Variants in CCDC18 observed in about 807,000 individuals in gnomAD.
CCDC18 encodes coiled-coil domain-containing protein 18.
Under a neutral mutation model 196.0 loss-of-function variants are expected in CCDC18, and 157 were observed. The observed-to-expected ratio is 0.80, with a 90% CI of 0.70 to 0.91. CCDC18 has a LOEUF of 0.91. CCDC18 is among the 40% of genes least tolerant of loss of function. CCDC18 has a pLI of 0.00. For missense variants in CCDC18, 1,465 were observed against 1,611.6 expected, an observed-to-expected ratio of 0.91 and a Z score of 1.56; for synonymous variants, 482 against 529.2, an observed-to-expected ratio of 0.91 and a Z score of 1.22.
chr1:93,191,974 C>G (rs746575537), intron 4 of CCDC18, 26 bp from the exon 5 acceptor site: 2 of 1,487,306 alleles, frequency 1.3e-6, no homozygotes, highest in Non-Finnish European at 1.9e-6. Flanking sequence ...TCTGAAAGTA[C>G]TATAAAAGTT....
At chr1:93,190,699 T>A in intron 4 of CCDC18, 2 of 368,164 alleles carry the variant, frequency 5.4e-6, no homozygotes, top group Non-Finnish European at 9.9e-6. Flanking sequence ...TAACATAAAC[T>A]CAAGATTTTA....
chr1:93,190,548 T>A (rs1182386894), intron 4 of CCDC18, among the ~76,000 whole-genome samples: 1 of 152,208 alleles, frequency 6.6e-6, no homozygotes, highest in Non-Finnish European at 1.5e-5. Flanking sequence ...AGAAAGGCAT[T>A]TAAATGCAGA....
At chr1:93,226,295 T>C (rs1429285141) in intron 16 of CCDC18, 38 bp from the exon 17 acceptor site, 2 of 907,128 alleles carry the variant, frequency 2.2e-6, no homozygotes, top group Non-Finnish European at 3.5e-6. Flanking sequence ...TATATCGTTT[T>C]GTGTTTTTTT....
chr1:93,233,749 C>T (rs1659597774), intron 18 of CCDC18, among the ~76,000 whole-genome samples: 1 of 152,158 alleles, frequency 6.6e-6, no homozygotes, highest in South Asian at 2.1e-4. Flanking sequence ...CAGGCATGTG[C>T]CACCACACCC....
At chr1:93,182,824 A>T (rs886628234) in intron 1 of CCDC18, among the ~76,000 whole-genome samples, 5 of 152,170 alleles carry the variant, frequency 3.3e-5, no homozygotes, top group African/African-American at 1.2e-4. Context: ...CCCTTCTAAC[A>T]AAATATGAAT....
At chr1:93,255,158 G>C (rs546849964) in intron 24 of CCDC18, among the ~76,000 whole-genome samples, 2 of 151,834 alleles carry the variant, frequency 1.3e-5, no homozygotes, top group South Asian at 4.2e-4. Context: ...TCACCATATT[G>C]GCCAGGCTGG....
intron 27 of CCDC18, among the ~76,000 whole-genome samples, chr1:93,267,287 T>G (rs1212996708): frequency 6.6e-6 from 1 of 152,168 alleles, no homozygotes; most frequent in African/African-American, 2.4e-5. Context: ...TGATGGGACA[T>G]ATCTCAAAAT....
intron 24 of CCDC18, among the ~76,000 whole-genome samples, chr1:93,255,240 C>T (rs1041638616): frequency 9.9e-5 from 15 of 152,088 alleles, no homozygotes; most frequent in Middle Eastern, 3.4e-3. Context: ...CGTGAGCTAC[C>T]GTGCCCGGCC....
In CCDC18 at chr1:93,215,658, G is replaced by A. The variant is rs893891172; in HGVS notation, c.1719+692G>A. On this transcript the variant is annotated intron_variant, in intron 12 of 28. Transcript: ENST00000690025. ...TTTTTTATTTGTAGAGACAGTCGCT[G>A]TGTTGCCCAGGCTTGCCTCGAACTC... Among the ~76,000 whole-genome samples the A allele has an allele frequency of 5.9e-5, 9 of 151,982 alleles. 1 individual carries two copies. Among genetic ancestry groups the A allele is most frequent in the African/African-American group, 2.2e-4 (9 of 41,398 alleles).
chr1:93,246,387 G>A (rs570037777), intron 22 of CCDC18, among the ~76,000 whole-genome samples, 183 bp downstream of exon 22: 2 of 152,218 alleles, frequency 1.3e-5, no homozygotes, highest in African/African-American at 4.8e-5. Context: ...CTAGCAAGTA[G>A]ATTTTGAAAA....
At chr1:93,204,951 T>A (rs897906000) in intron 7 of CCDC18, among the ~76,000 whole-genome samples, 2 of 151,634 alleles carry the variant, frequency 1.3e-5, no homozygotes, top group Non-Finnish European at 2.9e-5. Context: ...GAAGAAGGAC[T>A]TTATGGAGAA....
chr1:93,265,707 A>G (rs1460831994), intron 27 of CCDC18, among the ~76,000 whole-genome samples: 3 of 152,216 alleles, frequency 2.0e-5, no homozygotes, highest in East Asian at 1.9e-4. Context: ...AGGCCATTAC[A>G]TAATGGTAAA....
chr1:93,267,887 A>G (rs1664731529), intron 27 of CCDC18, among the ~76,000 whole-genome samples: 1 of 152,246 alleles, frequency 6.6e-6, no homozygotes, highest in African/African-American at 2.4e-5. Context: ...ATTCAATGCC[A>G]TCTCCATCAA....
chr1:93,201,355 G>A (rs1361088172), intron 6 of CCDC18, among the ~76,000 whole-genome samples: 1 of 152,154 alleles, frequency 6.6e-6, no homozygotes, highest in Non-Finnish European at 1.5e-5. Context: ...AAGGAACTAA[G>A]AGATGAGGCA....
At chr1:93,234,215 G>A (rs1270672761) in intron 18 of CCDC18, among the ~76,000 whole-genome samples, 3 of 151,814 alleles carry the variant, frequency 2.0e-5, no homozygotes, top group Non-Finnish European at 4.4e-5. Flanking sequence ...AGGCTGGAGT[G>A]CAGTGGTGCG....
intron 14 of CCDC18, 59 bp downstream of exon 14, chr1:93,217,928 C>T: frequency 1.5e-6 from 2 of 1,378,518 alleles, no homozygotes; most frequent in Non-Finnish European, 2.0e-6. Flanking sequence ...TTACTAGCCC[C>T]AGCATTTTTT....
intron 16 of CCDC18, among the ~76,000 whole-genome samples, chr1:93,223,539 A>G (rs376815072): frequency 6.6e-6 from 1 of 152,300 alleles, no homozygotes; most frequent in African/African-American, 2.4e-5. Flanking sequence ...TATCTATAGG[A>G]AAGTTATAAG....
At position 93,216,698 on chromosome 1, in the gene CCDC18, T is replaced by G; in HGVS notation, c.1782T>G (p.Ala594=). 6.3e-7 allele frequency: 1 copy of G among 1,591,884 alleles called. No homozygotes were observed. The highest frequency in any genetic ancestry group is 8.5e-7 in the Non-Finnish European group (1 of 1,171,372). ...LEKQLEEKIV[A]YSSIAAKNAE... ...AACAGCTGGAAGAAAAGATAGTTGCTTATTCCTCTATTGCTGCAAAAAATG... is the reference window on the plus strand; with the variant it reads ...AACAGCTGGAAGAAAAGATAGTTGCGTATTCCTCTATTGCTGCAAAAAATG... The change falls in exon 13 of 29, where the codon GCT becomes GCG. Residue 594 remains alanine (A), a synonymous_variant. Transcript: ENST00000690025.
intron 28 of CCDC18, among the ~76,000 whole-genome samples, chr1:93,272,536 G>A (rs1482739003): frequency 6.6e-6 from 1 of 150,908 alleles, no homozygotes; most frequent in Non-Finnish European, 1.5e-5. Flanking sequence ...GTATTTCAAG[G>A]AGGGTGAGAT....
Sources: allele counts gnomAD v4.1 joint callset (sites outside exome capture counted in the v4.1 genomes callset), GRCh38; gene constraint gnomAD v4.1.1; transcripts MANE v1.5; gene names NCBI Gene and HGNC (gene_info 2026-07-23, HGNC 2026-07-21).